Variants in USP48 observed in about 807,000 individuals in gnomAD.
The protein encoded by USP48 is ubiquitin carboxyl-terminal hydrolase 48.
USP48 carries 43 observed loss-of-function variants against 150.7 expected under a neutral mutation model. The observed-to-expected ratio is 0.29, with a 90% CI of 0.22 to 0.37. The LOEUF is 0.37. Ranked by LOEUF, USP48 falls within the 10% of genes least tolerant of loss-of-function variation. The pLI is 1.00. For synonymous variants in USP48, 396 were observed against 425.9 expected (o/e 0.93, Z 0.86); for missense variants, 813 against 1,249.6 (o/e 0.65, Z 5.27).
chr1:21,700,575 G>T lies in USP48; in HGVS notation c.2727+923C>A, dbSNP rs2097652514. Among the ~76,000 whole-genome samples the T allele has an allele frequency of 2.0e-5, 3 of 152,288 alleles. No homozygotes were observed. The South Asian group carries it at 6.2e-4, about 32-fold the overall frequency. On this transcript the variant is annotated intron_variant, in intron 22 of 26. Coordinates refer to ENST00000308271, the MANE Select transcript of USP48 (RefSeq NM_032236.8). ...ATTGTAACACTTTCATTCTTTCAGG[G>T]AGAACACCATCCACAATTTCACTAC... is the stretch of plus-strand genomic sequence containing the variant.
chr1:21,698,848 T>A (rs1557440058), intron 22 of USP48, among the ~76,000 whole-genome samples: 1 of 151,788 alleles, frequency 6.6e-6, no homozygotes, highest in Non-Finnish European at 1.5e-5. Flanking sequence ...TGAGCCGAGA[T>A]GGCACCACTG....
intron 24 of USP48, among the ~76,000 whole-genome samples, chr1:21,688,667 C>T (rs2097586266): frequency 6.6e-6 from 1 of 151,366 alleles, no homozygotes; most frequent in Non-Finnish European, 1.5e-5. Context: ...CACGGTGAAA[C>T]CCTGTCTCTA....
rs1415580888 is a variant in USP48 at position 21,699,200 on chromosome 1, T to G, written c.2727+2298A>C. On this transcript the variant is annotated intron_variant, in intron 22 of 26. Coordinates refer to ENST00000308271, the MANE Select transcript of USP48 (RefSeq NM_032236.8). ...CCACACCACCACACCTAATTTTTTT[T>G]TTTTTTTTTTTTTTTTGAGGCTGAG... Among the ~76,000 whole-genome samples the G allele has an allele frequency of 1.0e-4, 14 of 138,144 alleles. No homozygotes were observed. In the South Asian group the frequency reaches 1.5e-3, roughly 15 times the overall value. The allele number at this position is 138,144 out of a possible 152,430, so 90.6% of individuals were successfully genotyped here.
At position 21,695,235 on chromosome 1, in the gene USP48, T is replaced by G. The variant is rs779937439; in HGVS notation, c.2728-14A>C. 5 of 1,589,484 alleles carry G rather than the reference T, an allele frequency of 3.1e-6. No homozygotes were observed. The highest frequency in any genetic ancestry group is 4.3e-6 in the Non-Finnish European group (5 of 1,169,418). ...TCCACCATTGCTCTATAATGAAGATTGGAAATGAAGAAAGCACTGAAATTA... is the reference window on the plus strand; with the variant it reads ...TCCACCATTGCTCTATAATGAAGATGGGAAATGAAGAAAGCACTGAAATTA... On this transcript the variant is annotated splice_polypyrimidine_tract_variant and intron_variant, in intron 22 of 26. Transcript: ENST00000308271.
chr1:21,680,047 T>C (rs1208371178), intron 26 of USP48, among the ~76,000 whole-genome samples: 3 of 152,168 alleles, frequency 2.0e-5, no homozygotes, highest in Non-Finnish European at 4.4e-5. Flanking sequence ...CCATCAGGAG[T>C]CCCTTTGTAA....
chr1:21,757,813 TA>T, intron 1 of USP48, 30 bp from the exon 2 acceptor site: 3 of 1,567,378 alleles, frequency 1.9e-6, no homozygotes, highest in Non-Finnish European at 2.6e-6. Context: ...CTTTAATTTT[TA>T]AAAGACCATA....
intron 8 of USP48, among the ~76,000 whole-genome samples, chr1:21,742,703 T>TG (rs554224397): frequency 1.5e-3 from 230 of 152,290 alleles, no homozygotes; most frequent in African/African-American, 5.4e-3. Flanking sequence ...TTCCAGTCTG[T>TG]GTAAGCCAGG....
chr1:21,721,639 G>A lies in USP48; in HGVS notation c.1763+11C>T, dbSNP rs1483530174. The A allele has an allele frequency of 6.5e-6, 10 of 1,527,526 alleles. No individual in the cohort carries two copies. The highest frequency in any genetic ancestry group is 1.2e-5 in the South Asian group (1 of 84,734). The allele number at this position is 1,527,526 out of a possible 1,614,324, so 94.6% of individuals were successfully genotyped here. A position where few individuals can be genotyped will look rare whatever the true frequency, so the allele number is the denominator to read the frequency against. On this transcript the variant is annotated intron_variant, in intron 13 of 26. Transcript: ENST00000308271. The stretch of plus-strand genomic sequence containing the variant: ...TAGTTTATCATTAACAATGTACACT[G>A]TGCAACATACCCCTTTACTGCTGCT...
At chr1:21,751,917 C>G (rs333198) in intron 5 of USP48, among the ~76,000 whole-genome samples, 11,492 of 150,650 alleles carry the variant, frequency 0.076, 484 homozygotes, top group Middle Eastern at 0.11. Context: ...ACTCGGGAGG[C>G]TGAGGCAGGA....
intron 22 of USP48, 107 bp downstream of exon 22, chr1:21,701,391 A>G: frequency 2.4e-6 from 2 of 839,278 alleles, no homozygotes; most frequent in East Asian, 5.6e-5. Context: ...AGAAAAAAAA[A>G]GAACCAATAT....
intron 22 of USP48, among the ~76,000 whole-genome samples, chr1:21,699,814 C>CCACACA (rs10660046): frequency 0.023 from 3,473 of 149,206 alleles, 140 homozygotes; most frequent in African/African-American, 0.079. Flanking sequence ...CTGCGCCTGG[C>CCACACA]CACACACACA....
intron 11 of USP48, 79 bp from the exon 12 acceptor site, chr1:21,724,174 G>C (rs1277905514): frequency 7.2e-7 from 1 of 1,390,468 alleles, no homozygotes; most frequent in Admixed American, 2.0e-5. Context: ...TTTCTCAAAA[G>C]ACAATGCAAA....
intron 1 of USP48, among the ~76,000 whole-genome samples, chr1:21,765,491 C>T (rs1388645117): frequency 6.6e-6 from 1 of 151,946 alleles, no homozygotes; most frequent in African/African-American, 2.4e-5. Flanking sequence ...GTGGCACGCG[C>T]CTGTAGTCCC....
intron 1 of USP48, among the ~76,000 whole-genome samples, chr1:21,763,209 A>C (rs1465671013): frequency 1.3e-5 from 2 of 152,166 alleles, no homozygotes; most frequent in Non-Finnish European, 1.5e-5. Context: ...GTTCTTTTTA[A>C]ATTTTCTTAA....
intron 6 of USP48, 43 bp from the exon 7 acceptor site, chr1:21,748,314 T>C (rs2097800467): frequency 4.5e-6 from 7 of 1,553,416 alleles, no homozygotes; most frequent in Non-Finnish European, 6.1e-6. Flanking sequence ...AGAAGATGGG[T>C]TTAAAACAAG....
intron 5 of USP48, among the ~76,000 whole-genome samples, chr1:21,751,928 G>A (rs993746896): frequency 6.7e-6 from 1 of 148,780 alleles, no homozygotes; most frequent in African/African-American, 2.5e-5. Flanking sequence ...TGAGGCAGGA[G>A]AATCGCTTGA....
At chr1:21,700,967 A>C (rs1395848518) in intron 22 of USP48, among the ~76,000 whole-genome samples, 1 of 146,284 alleles carries the variant, frequency 6.8e-6, no homozygotes, top group East Asian at 2.1e-4. Context: ...TGGGAGGCTG[A>C]GGCAGGAGAA....
chr1:21,687,978 G>T (rs17423390), intron 24 of USP48, among the ~76,000 whole-genome samples: 66,966 of 151,864 alleles, frequency 0.44, 15,367 homozygotes, highest in East Asian at 0.66. Context: ...GTAGATATGG[G>T]TCTGCCTCAT....
At chr1:21,720,331 A>T (rs569526416) in intron 14 of USP48, among the ~76,000 whole-genome samples, 3 of 152,194 alleles carry the variant, frequency 2.0e-5, no homozygotes, top group Non-Finnish European at 4.4e-5. Context: ...AACTAGAGAG[A>T]GCTTGAGCCC....
Sources: gnomAD v4.1 joint callset for allele counts (sites outside exome capture counted in the v4.1 genomes callset) on GRCh38, gnomAD v4.1.1 for gene constraint, MANE v1.5 for transcripts, NCBI Gene and HGNC (gene_info 2026-07-23, HGNC 2026-07-21) for gene names.